CSMD1: variants seen among roughly 807,000 people sequenced by gnomAD.
CSMD1 encodes the protein CUB and sushi domain-containing protein 1.
CSMD1 carries 213 observed loss-of-function variants against 417.5 expected under a neutral mutation model. The observed-to-expected ratio is 0.51, with a 90% CI of 0.46 to 0.57. The LOEUF (loss-of-function observed/expected upper bound fraction) is 0.57, where lower values mean the gene tolerates loss of function less well. Among genes scored for constraint, CSMD1 ranks in the 20% least tolerant of loss-of-function variants. The pLI is 0.00. For missense variants in CSMD1, 6,923 were observed against 4,529.7 expected, an observed-to-expected ratio of 1.53 and a Z score of -15.17; for synonymous variants, 2,862 against 1,736.8, an observed-to-expected ratio of 1.65 and a Z score of -16.11.
intron 1 of CSMD1, among the ~76,000 whole-genome samples, chr8:4,979,771 C>G (rs1442829696): frequency 2.6e-5 from 4 of 152,214 alleles, no homozygotes; most frequent in Non-Finnish European, 5.9e-5. Context: ...CGCGTGGTGG[C>G]TCACGCCTGT....
At chr8:3,504,893 G>A (rs187346312) in intron 10 of CSMD1, among the ~76,000 whole-genome samples, 5 of 152,214 alleles carry the variant, frequency 3.3e-5, no homozygotes, top group Non-Finnish European at 5.9e-5. Flanking sequence ...GAAAATTTCT[G>A]AAGCAGAACC....
intron 41 of CSMD1, among the ~76,000 whole-genome samples, chr8:3,137,535 A>T (rs1400299428): frequency 2.6e-5 from 4 of 152,238 alleles, no homozygotes; most frequent in Admixed American, 2.6e-4. Context: ...TCAGTAAGGC[A>T]TCCTTTAAAC....
intron 8 of CSMD1, among the ~76,000 whole-genome samples, chr8:3,598,131 C>T (rs768399637): frequency 2.6e-4 from 39 of 152,208 alleles, no homozygotes; most frequent in Admixed American, 7.8e-4. Flanking sequence ...TATTTCCTAA[C>T]GCATTTAACA....
intron 1 of CSMD1, among the ~76,000 whole-genome samples, chr8:4,894,692 G>A (rs1804361110): frequency 9.3e-6 from 1 of 107,178 alleles, no homozygotes; most frequent in African/African-American, 3.6e-5. Flanking sequence ...CAAGTTATCT[G>A]AAAGACTGTG....
chr8:4,215,610 T>C (rs1359116594), intron 3 of CSMD1, among the ~76,000 whole-genome samples: 1 of 152,158 alleles, frequency 6.6e-6, no homozygotes, highest in African/African-American at 2.4e-5. Flanking sequence ...TGCAAAAACA[T>C]GTTTACTTTG....
chr8:4,071,453 C>A (rs560528163), intron 3 of CSMD1, among the ~76,000 whole-genome samples: 3 of 151,816 alleles, frequency 2.0e-5, no homozygotes. Flanking sequence ...CATTTTATAA[C>A]GCCTATTTTT....
At chr8:4,092,640 T>G (rs929610146) in intron 3 of CSMD1, among the ~76,000 whole-genome samples, 32 of 152,234 alleles carry the variant, frequency 2.1e-4, no homozygotes, top group African/African-American at 7.7e-4. Context: ...ATTAAGAATG[T>G]ATTAAATCAT....
intron 28 of CSMD1, 147 bp from the exon 29 acceptor site, chr8:3,219,589 A>T (rs28584707): frequency 0.26 from 138,930 of 544,464 alleles, 18,831 homozygotes; most frequent in East Asian, 0.32. Context: ...ATGTAGTATG[A>T]ATCAAAATAT....
At chr8:4,698,431 T>G (rs1032142711) in intron 1 of CSMD1, among the ~76,000 whole-genome samples, 120 of 152,246 alleles carry the variant, frequency 7.9e-4, no homozygotes, top group African/African-American at 2.7e-3. Context: ...TAAAACAGGC[T>G]TGGTGTGATT....
intron 10 of CSMD1, among the ~76,000 whole-genome samples, chr8:3,530,173 C>T (rs1797918946): frequency 6.6e-6 from 1 of 152,140 alleles, no homozygotes; most frequent in Non-Finnish European, 1.5e-5. Flanking sequence ...CATCTCTCCT[C>T]CAATCTTTAT....
chr8:3,564,336 T>TG (rs1799602385), intron 10 of CSMD1, among the ~76,000 whole-genome samples: 1 of 152,066 alleles, frequency 6.6e-6, no homozygotes, highest in Non-Finnish European at 1.5e-5. Context: ...TTGAATGTTT[T>TG]GTCGTCCTCA....
At chr8:4,985,380 TA>T (rs974427362) in intron 1 of CSMD1, among the ~76,000 whole-genome samples, 14 of 151,668 alleles carry the variant, frequency 9.2e-5, no homozygotes, top group African/African-American at 2.7e-4. Flanking sequence ...AAGTTTTTTT[TA>T]AAAAAAAATG....
chr8:3,115,889 G>A (rs1181802073), intron 42 of CSMD1, among the ~76,000 whole-genome samples: 2 of 152,142 alleles, frequency 1.3e-5, no homozygotes, highest in East Asian at 3.9e-4. Flanking sequence ...CTACAGGGCT[G>A]GACCTTTGAA....
At chr8:3,980,196 C>G (rs1331139575) in intron 5 of CSMD1, among the ~76,000 whole-genome samples, 1 of 152,170 alleles carries the variant, frequency 6.6e-6, no homozygotes, top group Non-Finnish European at 1.5e-5. Context: ...TTTTCACAAT[C>G]AAAATTAGCT....
intron 2 of CSMD1, among the ~76,000 whole-genome samples, chr8:4,561,976 G>C (rs930117487): frequency 2.6e-5 from 4 of 152,100 alleles, no homozygotes; most frequent in Non-Finnish European, 5.9e-5. Flanking sequence ...TCCGGTAAAC[G>C]AAGAGAGTTA....
At chr8:3,526,490 T>C (rs2117483524) in intron 10 of CSMD1, among the ~76,000 whole-genome samples, 1 of 152,266 alleles carries the variant, frequency 6.6e-6, no homozygotes, top group East Asian at 1.9e-4. Flanking sequence ...ATTTGCTCTC[T>C]GGACCAAGCA....
intron 3 of CSMD1, among the ~76,000 whole-genome samples, chr8:4,329,118 T>A (rs1330490697): frequency 6.6e-6 from 1 of 152,194 alleles, no homozygotes; most frequent in Non-Finnish European, 1.5e-5. Context: ...CTACAGACTG[T>A]ATGGCTTCCA....
At chr8:3,047,580 A>T (rs1339107735) in intron 50 of CSMD1, among the ~76,000 whole-genome samples, 3 of 152,184 alleles carry the variant, frequency 2.0e-5, no homozygotes, top group African/African-American at 7.2e-5. Context: ...ACCATCTCAC[A>T]TGCTGTCCTG....
In CSMD1 at chr8:3,422,063, G is replaced by C. The variant is rs569123876; in HGVS notation, c.1562-12458C>G. ...CACCATGTCCAGCCCTGATGTCCTAGCGTGGATTCTATCATCTACACCTAT... is the reference window on the plus strand; with the variant it reads ...CACCATGTCCAGCCCTGATGTCCTACCGTGGATTCTATCATCTACACCTAT... On this transcript the variant is annotated intron_variant, in intron 12 of 69. Transcript: ENST00000635120. Among the ~76,000 whole-genome samples, 4 of 147,988 alleles carry C rather than the reference G, an allele frequency of 2.7e-5. No homozygotes were observed. The East Asian group carries it at 5.8e-4, about 21-fold the overall frequency.
Sources: allele counts gnomAD v4.1 joint callset (sites outside exome capture counted in the v4.1 genomes callset), GRCh38; gene constraint gnomAD v4.1.1; transcripts MANE v1.5; gene names NCBI Gene and HGNC (gene_info 2026-07-23, HGNC 2026-07-21).